Variants in IQSEC1 observed in about 807,000 individuals in gnomAD.
IQSEC1 encodes IQ motif and Sec7 domain ArfGEF 1, also known as IQ motif and SEC7 domain-containing protein 1.
In IQSEC1, 31 loss-of-function variants were observed where a neutral mutation model predicts 91.0. The observed-to-expected ratio is 0.34, with a 90% CI of 0.26 to 0.46. IQSEC1 has a LOEUF of 0.46. Ranked by LOEUF, IQSEC1 falls within the 20% of genes least tolerant of loss-of-function variation. The probability of loss-of-function intolerance (pLI) is 1.00; values close to 1 mark genes in which losing one functional copy is unlikely to be tolerated. For missense variants in IQSEC1, 1,388 were observed against 1,575.6 expected (o/e 0.88, Z 2.02); for synonymous variants, 699 against 662.6 (o/e 1.05, Z -0.84).
intron 1 of IQSEC1, among the ~76,000 whole-genome samples, chr3:12,998,309 C>T: frequency 6.6e-6 from 1 of 152,106 alleles, no homozygotes; most frequent in East Asian, 1.9e-4. Context: ...TGTGATCACT[C>T]CACTGCACTC....
At chr3:13,199,564 G>A (rs113044451) in intron 1 of IQSEC1, among the ~76,000 whole-genome samples, 43 of 152,228 alleles carry the variant, frequency 2.8e-4, no homozygotes, top group African/African-American at 9.9e-4. Context: ...TGCTGTGGTC[G>A]CCCCTCCGCT....
chr3:13,006,986 C>T (rs1269991806), intron 1 of IQSEC1, among the ~76,000 whole-genome samples: 2 of 152,202 alleles, frequency 1.3e-5, no homozygotes, highest in Non-Finnish European at 1.5e-5. Context: ...TATCTCTCTC[C>T]CCATTTTATA....
chr3:13,027,704 AGGGAT>A (rs1703675524), intron 1 of IQSEC1, among the ~76,000 whole-genome samples: 1 of 152,198 alleles, frequency 6.6e-6, no homozygotes, highest in Non-Finnish European at 1.5e-5. Context: ...ACAGGGACAC[AGGGAT>A]GGCCAGTGGG....
intron 1 of IQSEC1, among the ~76,000 whole-genome samples, chr3:13,208,948 G>T (rs187116693): frequency 1.2e-4 from 19 of 152,300 alleles, no homozygotes; most frequent in Non-Finnish European, 2.4e-4. Flanking sequence ...AGTCAGTGGG[G>T]TGGGCAAGAG....
rs576843233 is a variant in IQSEC1 at position 13,070,430 on chromosome 3, TA to T, written c.23+2561del. On this transcript the variant is annotated intron_variant, in intron 1 of 13. Coordinates refer to ENST00000613206, the MANE Select transcript of IQSEC1 (RefSeq NM_001134382.3). ...GCTACAGTGCAACTGTTGGGAAAGTTAAACATCTAGAGATGCTCAACACCCC... is the reference window on the plus strand; with the variant it reads ...GCTACAGTGCAACTGTTGGGAAAGTTAACATCTAGAGATGCTCAACACCCC... Among the ~76,000 whole-genome samples, 19 of 152,342 alleles carry T rather than the reference TA, an allele frequency of 1.2e-4. 1 individual carries two copies. In the Middle Eastern group the frequency reaches 0.01, roughly 82 times the overall value.
chr3:12,960,117 C>T (rs1164828325), intron 1 of IQSEC1, among the ~76,000 whole-genome samples: 2 of 152,096 alleles, frequency 1.3e-5, no homozygotes, highest in African/African-American at 2.4e-5. Flanking sequence ...ATAACGATGA[C>T]GGCTGGAGAG....
chr3:13,107,336 G>T (rs1706166654), intron 2 of IQSEC1, among the ~76,000 whole-genome samples: 1 of 152,228 alleles, frequency 6.6e-6, no homozygotes, highest in Admixed American at 6.5e-5. Flanking sequence ...GCAAGTTAAG[G>T]CAGCGGCCAT....
chr3:13,198,385 T>A (rs1694174011), intron 1 of IQSEC1, among the ~76,000 whole-genome samples: 1 of 152,060 alleles, frequency 6.6e-6, no homozygotes, highest in Non-Finnish European at 1.5e-5. Context: ...GGGTGGCTCA[T>A]CTGAAGAGTG....
rs1020207472 is a variant in IQSEC1 at position 13,282,221 on chromosome 3, C to T, written c.272+490G>A. On this transcript the variant is annotated intron_variant, in intron 1 of 15. Coordinates refer to the IQSEC1 transcript ENST00000648114. This position sits in a 1 kb window ranked among gnomAD's most constrained non-coding sequence, Gnocchi z 6.4. ...TCTGCGCGTCCCGGACTGGACACAG[C>T]GCAGAGTCCATTCCAGGGACACCGC... Among the ~76,000 whole-genome samples, 1 of 152,204 alleles carries T rather than the reference C, an allele frequency of 6.6e-6. No individual in the cohort carries two copies. The highest frequency in any genetic ancestry group is 1.9e-4 in the East Asian group (1 of 5,178).
intron 13 of IQSEC1, 143 bp downstream of exon 13, chr3:12,902,630 G>T: frequency 1.6e-6 from 1 of 626,716 alleles, no homozygotes; most frequent in Non-Finnish European, 2.8e-6. Flanking sequence ...TGTGCAGTAG[G>T]GGAAGGAAAA....
chr3:12,972,953 G>C (rs529674289), intron 1 of IQSEC1, among the ~76,000 whole-genome samples: 113 of 152,316 alleles, frequency 7.4e-4, no homozygotes, highest in Middle Eastern at 3.4e-3. Context: ...CCATCCCCCA[G>C]AACAGAAATG....
At chr3:13,091,175 C>A (rs1320725857) in intron 2 of IQSEC1, among the ~76,000 whole-genome samples, 1 of 152,182 alleles carries the variant, frequency 6.6e-6, no homozygotes, top group African/African-American at 2.4e-5. Context: ...CTCTGTCCTG[C>A]ACTCCCTACG....
intron 1 of IQSEC1, among the ~76,000 whole-genome samples, chr3:13,215,609 A>G (rs6762472): frequency 0.075 from 11,413 of 152,234 alleles, 1,069 homozygotes; most frequent in East Asian, 0.2. Flanking sequence ...TGCACAGATA[A>G]TAAAACACCA....
At chr3:13,254,678 C>T (rs1208758377) in intron 1 of IQSEC1, among the ~76,000 whole-genome samples, 1 of 152,258 alleles carries the variant, frequency 6.6e-6, no homozygotes, top group African/African-American at 2.4e-5. Flanking sequence ...GCTTCCTACT[C>T]GTTTTCCTCC....
chr3:13,023,002 T>G (rs1426321683), intron 1 of IQSEC1, among the ~76,000 whole-genome samples: 1 of 152,180 alleles, frequency 6.6e-6, no homozygotes, highest in Non-Finnish European at 1.5e-5. Context: ...AACTAACTCA[T>G]CCAGTTCTCC....
At chr3:12,929,357 A>G (rs1342702448) in intron 3 of IQSEC1, among the ~76,000 whole-genome samples, 3 of 152,278 alleles carry the variant, frequency 2.0e-5, no homozygotes, top group South Asian at 4.1e-4. Context: ...GACGGCATCG[A>G]CTTCAGCTGG....
rs372325394 is a variant in IQSEC1, at chr3:13,090,110, C to T, written c.303-42588G>A. On this transcript the variant is annotated intron_variant, in intron 2 of 15. Transcript: ENST00000648114. ...GCGTGCACCTGTAGTCCCAGCTACTCGGGAGGCTGAGGCAGGAGAATGGCG... is the reference window on the plus strand; with the variant it reads ...GCGTGCACCTGTAGTCCCAGCTACTTGGGAGGCTGAGGCAGGAGAATGGCG... Among the ~76,000 whole-genome samples the T allele has an allele frequency of 3.1e-4, 47 of 151,696 alleles. No individual in the cohort carries two copies. In the East Asian group the frequency reaches 5.9e-3, roughly 19 times the overall value.
intron 9 of IQSEC1, 61 bp downstream of exon 9, chr3:12,913,367 C>T (rs1695750519): frequency 5.4e-6 from 8 of 1,491,608 alleles, no homozygotes; most frequent in South Asian, 2.4e-5. Flanking sequence ...GACAGCCAGA[C>T]ATGGACCCTG....
At position 12,983,814 on chromosome 3, in the gene IQSEC1, C is replaced by T. The variant is rs754664570; in HGVS notation, c.24-41949G>A. Among the ~76,000 whole-genome samples the T allele has an allele frequency of 3.3e-5, 5 of 152,150 alleles. No homozygotes were observed. Among genetic ancestry groups the T allele is most frequent in the East Asian group, 1.9e-4 (1 of 5,198 alleles). The stretch of plus-strand genomic sequence containing the variant: ...CCACTTATGCCCAGCCTCAGCACGG[C>T]GCCTGGCACAACTAGCTGCTGGATA... On this transcript the variant is annotated intron_variant, in intron 1 of 13. Coordinates refer to ENST00000613206, the MANE Select transcript of IQSEC1 (RefSeq NM_001134382.3). This position sits in a 1 kb window ranked among gnomAD's most constrained non-coding sequence, Gnocchi z 4.3.
Sources: gnomAD v4.1 joint callset for allele counts (sites outside exome capture counted in the v4.1 genomes callset) on GRCh38, gnomAD v4.1.1 for gene constraint, Gnocchi (gnomAD v3.1) non-coding constraint, MANE v1.5 for transcripts, NCBI Gene and HGNC (gene_info 2026-07-23, HGNC 2026-07-21) for gene names.